The following POT1 variants were observed in gnomAD, a reference collection of about 807,000 sequenced individuals.
POT1 encodes the protein protection of telomeres protein 1.
POT1 carries 47 observed loss-of-function variants against 78.5 expected under a neutral mutation model. The ratio of observed to expected loss-of-function variants is 0.60; its 90% CI spans 0.47 to 0.76. The LOEUF (loss-of-function observed/expected upper bound fraction) is 0.76, where lower values mean the gene tolerates loss of function less well. Ranked by LOEUF, POT1 falls within the 30% of genes least tolerant of loss-of-function variation. The pLI is 0.00. For missense variants in POT1, 646 were observed against 749.9 expected (o/e 0.86, Z 1.62); for synonymous variants, 259 against 260.7 (o/e 0.99, Z 0.06).
chr7:124,922,115 G>GA (rs1017525614), intron 2 of POT1, among the ~76,000 whole-genome samples: 4 of 149,290 alleles, frequency 2.7e-5, no homozygotes, highest in Non-Finnish European at 6.0e-5. Context: ...AGTCCTAAAA[G>GA]AAAAAAAAAG....
chr7:124,917,887 CTCTAGAACTTGGAAAGGGAA>C lies in POT1; in HGVS notation c.-226-2261_-226-2242del, dbSNP rs1270462393. Among the ~76,000 whole-genome samples the C allele has an allele frequency of 2.0e-5, 3 of 152,138 alleles. No homozygotes were observed. The East Asian group carries it at 5.8e-4, about 29-fold the overall frequency. Reference sequence around the variant, plus strand: ...GGGCCCTAGCACCTGGAGAAGAAAACTCTAGAACTTGGAAAGGGAATCCCTTAGGTCCCAGGAGGTGTAGG... The same window carrying C: ...GGGCCCTAGCACCTGGAGAAGAAAACTCCCTTAGGTCCCAGGAGGTGTAGG... On this transcript the variant is annotated intron_variant, in intron 2 of 18. Transcript: ENST00000357628.
chr7:124,852,699 G>A (rs1010802331), intron 10 of POT1, among the ~76,000 whole-genome samples: 2 of 152,070 alleles, frequency 1.3e-5, no homozygotes, highest in African/African-American at 4.8e-5. Flanking sequence ...GTTTGTTGCT[G>A]TACTTGGAGA....
chr7:124,830,974 T>C (rs1484529915), intron 15 of POT1, among the ~76,000 whole-genome samples: 2 of 152,102 alleles, frequency 1.3e-5, no homozygotes, highest in Non-Finnish European at 2.9e-5. Context: ...AAGAAATCAG[T>C]AACCACATAG....
chr7:124,842,292 T>C (rs1463870429), intron 13 of POT1, among the ~76,000 whole-genome samples: 1 of 152,014 alleles, frequency 6.6e-6, no homozygotes, highest in African/African-American at 2.4e-5. Context: ...AAAACAGTTA[T>C]ATACATTTAT....
chr7:124,921,879 A>T (rs1407813250), intron 2 of POT1, among the ~76,000 whole-genome samples: 1 of 150,572 alleles, frequency 6.6e-6, no homozygotes, highest in Non-Finnish European at 1.5e-5. Context: ...AAAAAAAAAT[A>T]TTTCAAGAAA....
intron 17 of POT1, among the ~76,000 whole-genome samples, chr7:124,826,140 A>G (rs1409638816): frequency 1.3e-5 from 2 of 152,158 alleles, no homozygotes; most frequent in East Asian, 3.9e-4. Flanking sequence ...GATCAGCCAT[A>G]TGGGCAGTCA....
rs1345963992 is a variant in POT1 at position 124,847,001 on chromosome 7, A to G, written c.950-3T>C. On this transcript the variant is annotated splice_polypyrimidine_tract_variant and splice_region_variant and intron_variant, in intron 11 of 18. Transcript: ENST00000357628. ...GTATAATGATACTGATCCAGAGCCT[A>G]TAAAAAGGAAAAGGCAAAAAAATTA... The G allele has an allele frequency of 3.1e-6, 5 of 1,601,110 alleles. No homozygotes were observed. The African/African-American group carries it at 5.4e-5, about 17-fold the overall frequency.
rs369480282 is a variant in POT1, at chr7:124,917,637, C to G, written c.-226-1991G>C. ...AAAAAACGCAAAGCAATCAAGAGAA[C>G]CACAATCAATTAGATTAAAAGACAT... On this transcript the variant is annotated intron_variant, in intron 2 of 18. Coordinates refer to ENST00000357628, the MANE Select transcript of POT1 (RefSeq NM_015450.3). Among the ~76,000 whole-genome samples, 34 of 152,242 alleles carry G rather than the reference C, an allele frequency of 2.2e-4. 1 individual carries two copies. The highest frequency in any genetic ancestry group is 7.5e-4 in the African/African-American group (31 of 41,544).
At chr7:124,864,650 T>C (rs540984926) in intron 7 of POT1, among the ~76,000 whole-genome samples, 1 of 152,326 alleles carries the variant, frequency 6.6e-6, no homozygotes, top group East Asian at 1.9e-4. Flanking sequence ...ACTATGTACT[T>C]TCTACTTTCC....
intron 11 of POT1, among the ~76,000 whole-genome samples, chr7:124,851,189 T>C (rs1293196392): frequency 6.6e-6 from 1 of 152,128 alleles, no homozygotes; most frequent in Non-Finnish European, 1.5e-5. Context: ...AAGTCCTTGC[T>C]ACTCAGGAGG....
chr7:124,854,907 T>A (rs1226262352), intron 9 of POT1, among the ~76,000 whole-genome samples: 1 of 151,798 alleles, frequency 6.6e-6, no homozygotes, highest in Non-Finnish European at 1.5e-5. Context: ...CATGTATGTA[T>A]GATCTACAAA....
chr7:124,922,552 C>G (rs1584532632), intron 2 of POT1, among the ~76,000 whole-genome samples: 5 of 151,822 alleles, frequency 3.3e-5, no homozygotes, highest in Non-Finnish European at 7.4e-5. Flanking sequence ...GAAATAACAA[C>G]TGTAACATGG....
chr7:124,917,645 A>T (rs1356631875), intron 2 of POT1, among the ~76,000 whole-genome samples: 1 of 152,204 alleles, frequency 6.6e-6, no homozygotes, highest in African/African-American at 2.4e-5. Flanking sequence ...AACCACAATC[A>T]ATTAGATTAA....
intron 11 of POT1, among the ~76,000 whole-genome samples, chr7:124,847,492 T>C (rs1488868886): frequency 6.6e-6 from 1 of 152,176 alleles, no homozygotes; most frequent in Non-Finnish European, 1.5e-5. Context: ...AGACTCTGCC[T>C]CAAAACAACA....
At chr7:124,895,224 T>C (rs933103301) in intron 5 of POT1, among the ~76,000 whole-genome samples, 1 of 151,656 alleles carries the variant, frequency 6.6e-6, no homozygotes, top group African/African-American at 2.4e-5. Context: ...AGTTGCTCAT[T>C]ATCGCACAGC....
intron 5 of POT1, among the ~76,000 whole-genome samples, chr7:124,893,271 C>G (rs917722643): frequency 3.3e-5 from 5 of 151,328 alleles, no homozygotes; most frequent in African/African-American, 1.2e-4. Flanking sequence ...CCCCTTACCC[C>G]CATGCTATTA....
chr7:124,922,933 A>G (rs1448977603), intron 2 of POT1, among the ~76,000 whole-genome samples: 2 of 151,948 alleles, frequency 1.3e-5, no homozygotes, highest in African/African-American at 2.4e-5. Flanking sequence ...TACACTCAAT[A>G]TAAGGGCCAC....
chr7:124,831,999 T>TAA (rs752861454), intron 15 of POT1, among the ~76,000 whole-genome samples: 2,117 of 75,550 alleles, frequency 0.028, 27 homozygotes, highest in African/African-American at 0.077. Flanking sequence ...TTCTTAAAAA[T>TAA]AAAAAAAAAA....
chr7:124,906,949 T>C lies in POT1; in HGVS notation c.-153-8575A>G, dbSNP rs541819383. Among the ~76,000 whole-genome samples, 531 of 152,226 alleles carry C rather than the reference T, an allele frequency of 3.5e-3. 3 individuals carry two copies. Among genetic ancestry groups the C allele is most frequent in the Non-Finnish European group, 3.8e-3 (257 of 68,010 alleles). ...ATCGAATTGAAAATGAGATTTTATA[T>C]GGGGTGTTCTAAGCTTCTGAGAAGA... is the stretch of plus-strand genomic sequence containing the variant. On this transcript the variant is annotated intron_variant, in intron 3 of 18. Coordinates refer to ENST00000357628, the MANE Select transcript of POT1 (RefSeq NM_015450.3).
Sources: gnomAD v4.1 joint callset for allele counts (sites outside exome capture counted in the v4.1 genomes callset) on GRCh38, gnomAD v4.1.1 for gene constraint, MANE v1.5 for transcripts, NCBI Gene and HGNC (gene_info 2026-07-23, HGNC 2026-07-21) for gene names.